SLIT3: variants seen among roughly 807,000 people sequenced by gnomAD.
The protein encoded by SLIT3 is slit homolog 3 protein.
A neutral mutation model predicts 184.0 loss-of-function variants in SLIT3; 68 were observed. The ratio of observed to expected loss-of-function variants is 0.37; its 90% CI spans 0.30 to 0.45. The LOEUF (loss-of-function observed/expected upper bound fraction) is 0.45, where lower values mean the gene tolerates loss of function less well. SLIT3 is among the 20% of genes least tolerant of loss of function. SLIT3 has a pLI of 1.00. For missense variants in SLIT3, 1,707 were observed against 2,026.0 expected (o/e 0.84, Z 3.02); for synonymous variants, 831 against 828.6 (o/e 1.00, Z -0.05).
intron 1 of SLIT3, among the ~76,000 whole-genome samples, chr5:169,269,273 C>T (rs1046142013): frequency 1.3e-5 from 2 of 152,250 alleles, no homozygotes; most frequent in African/African-American, 4.8e-5. Context: ...ACCACTCTGA[C>T]TTATATACCA....
At chr5:168,959,707 G>A (rs1182405937) in intron 4 of SLIT3, among the ~76,000 whole-genome samples, 2 of 152,124 alleles carry the variant, frequency 1.3e-5, no homozygotes, top group South Asian at 2.1e-4. Flanking sequence ...CAGTTCTTCT[G>A]TAGCTCCCAG....
chr5:168,798,220 C>CTTTTTTTTTTTTTT lies in SLIT3; in HGVS notation c.936-2643_936-2642insAAAAAAAAAAAAAA, dbSNP rs575178855. On this transcript the variant is annotated intron_variant, in intron 9 of 35. Coordinates refer to ENST00000519560, the MANE Select transcript of SLIT3 (RefSeq NM_003062.4). ...CTTTTGGTTTTCTTTTCTTCTTCTT[C>CTTTTTTTTTTTTTT]TTCTTTTTTTTTTTTTTTTAAGAGA... Among the ~76,000 whole-genome samples the CTTTTTTTTTTTTTT allele has an allele frequency of 2.3e-3, 260 of 112,200 alleles. 9 individuals carry two copies. Among genetic ancestry groups the CTTTTTTTTTTTTTT allele is most frequent in the Non-Finnish European group, 3.1e-3 (185 of 58,810 alleles). The allele number at this position is 112,200 out of a possible 152,430, so 73.6% of individuals were successfully genotyped here. A position where few individuals can be genotyped will look rare whatever the true frequency, so the allele number is the denominator to read the frequency against.
chr5:169,264,364 T>C (rs973035227), intron 1 of SLIT3, among the ~76,000 whole-genome samples: 3 of 152,146 alleles, frequency 2.0e-5, no homozygotes, highest in African/African-American at 4.8e-5. Context: ...TGGCTAATTT[T>C]AGTAGAGATA....
At chr5:169,254,514 A>G (rs905958651) in intron 1 of SLIT3, among the ~76,000 whole-genome samples, 2 of 152,032 alleles carry the variant, frequency 1.3e-5, no homozygotes, top group African/African-American at 2.4e-5. Flanking sequence ...CTTGCTATCA[A>G]GAGATGGTGT....
At chr5:169,293,243 T>C (rs923928534) in intron 1 of SLIT3, among the ~76,000 whole-genome samples, 1 of 151,974 alleles carries the variant, frequency 6.6e-6, no homozygotes, top group Non-Finnish European at 1.5e-5. Context: ...ATAAGTCCAA[T>C]CCCCACACAA....
At chr5:169,145,408 A>G (rs1449544586) in intron 4 of SLIT3, among the ~76,000 whole-genome samples, 1 of 152,210 alleles carries the variant, frequency 6.6e-6, no homozygotes, top group African/African-American at 2.4e-5. Flanking sequence ...ATACATGTGC[A>G]GATGCTAGAG....
intron 4 of SLIT3, among the ~76,000 whole-genome samples, chr5:169,011,143 T>C (rs1433568089): frequency 6.6e-6 from 1 of 152,136 alleles, no homozygotes; most frequent in Non-Finnish European, 1.5e-5. Context: ...GCTCTGCTCC[T>C]GGACCCTGAA....
At chr5:168,989,494 C>T (rs561685405) in intron 4 of SLIT3, among the ~76,000 whole-genome samples, 22 of 152,266 alleles carry the variant, frequency 1.4e-4, no homozygotes, top group African/African-American at 3.1e-4. Flanking sequence ...GAGGAGAGCC[C>T]GAGCAGAGGG....
intron 4 of SLIT3, among the ~76,000 whole-genome samples, chr5:168,986,362 A>C (rs1004444231): frequency 2.7e-5 from 4 of 150,412 alleles, no homozygotes; most frequent in Non-Finnish European, 5.9e-5. Flanking sequence ...TAGATAAGGG[A>C]AAGGAAATAT....
At chr5:168,750,160 A>G (rs1368161945) in intron 18 of SLIT3, among the ~76,000 whole-genome samples, 8 of 152,144 alleles carry the variant, frequency 5.3e-5, no homozygotes, top group African/African-American at 1.9e-4. Context: ...GACTCTACAT[A>G]CACGAGGGTA....
chr5:168,709,801 T>A (rs1762493662), intron 25 of SLIT3, among the ~76,000 whole-genome samples: 3 of 150,322 alleles, frequency 2.0e-5, no homozygotes, highest in Admixed American at 2.0e-4. Context: ...AAATTCAGGT[T>A]CCCCAATAAT....
chr5:168,970,514 A>AC (rs1363042040), intron 4 of SLIT3, among the ~76,000 whole-genome samples: 2 of 151,560 alleles, frequency 1.3e-5, no homozygotes, highest in African/African-American at 4.8e-5. Context: ...AAAAAAAAAA[A>AC]ACAAAGACAA....
At chr5:168,670,125 C>T in intron 34 of SLIT3, 134 bp from the exon 35 acceptor site, 1 of 713,464 alleles carries the variant, frequency 1.4e-6, no homozygotes, top group East Asian at 2.7e-5. Flanking sequence ...GTTTCCTAGG[C>T]TGAGCATCTC....
chr5:168,778,225 C>T (rs1025430072), intron 12 of SLIT3, among the ~76,000 whole-genome samples: 2 of 152,168 alleles, frequency 1.3e-5, no homozygotes, highest in African/African-American at 4.8e-5. Context: ...CTTATGTAAC[C>T]CCCACAACAG....
chr5:168,940,632 A>G (rs1398925487), intron 4 of SLIT3, among the ~76,000 whole-genome samples: 1 of 152,202 alleles, frequency 6.6e-6, no homozygotes, highest in Non-Finnish European at 1.5e-5. Context: ...TTTAGTCCCA[A>G]CTTGGAGATG....
chr5:168,816,993 T>C (rs1483079162), intron 8 of SLIT3, among the ~76,000 whole-genome samples: 1 of 152,236 alleles, frequency 6.6e-6, no homozygotes, highest in Non-Finnish European at 1.5e-5. Flanking sequence ...CCGTTATACC[T>C]GTTTCCATTT....
At chr5:168,923,797 T>C (rs1761718959) in intron 4 of SLIT3, among the ~76,000 whole-genome samples, 1 of 152,246 alleles carries the variant, frequency 6.6e-6, no homozygotes, top group African/African-American at 2.4e-5. Flanking sequence ...ATTACAGGCA[T>C]GAGCCATCAC....
chr5:169,146,950 G>A (rs1461726213), intron 4 of SLIT3, among the ~76,000 whole-genome samples: 1 of 152,222 alleles, frequency 6.6e-6, no homozygotes, highest in Non-Finnish European at 1.5e-5. Flanking sequence ...GATAGTGATT[G>A]TGCCTATCTC....
chr5:168,983,999 A>G (rs62378591), intron 4 of SLIT3, among the ~76,000 whole-genome samples: 3,380 of 152,234 alleles, frequency 0.022, 56 homozygotes, highest in Non-Finnish European at 0.035. Flanking sequence ...GCAGTGAGCT[A>G]TGATCATGCC....
Sources: allele counts gnomAD v4.1 joint callset (sites outside exome capture counted in the v4.1 genomes callset), GRCh38; gene constraint gnomAD v4.1.1; transcripts MANE v1.5; gene names NCBI Gene and HGNC (gene_info 2026-07-23, HGNC 2026-07-21).